Variants in PRTG observed in about 807,000 individuals in gnomAD.
PRTG encodes immunoglobulin superfamily, DCC subclass, member 5.
Under a neutral mutation model 122.5 loss-of-function variants are expected in PRTG, and 67 were observed. The observed-to-expected ratio is 0.55, with a 90% CI of 0.45 to 0.67. PRTG has a LOEUF of 0.67. PRTG is among the 30% of genes least tolerant of loss of function. The pLI is 0.00. For synonymous variants in PRTG, 554 were observed against 501.1 expected, an observed-to-expected ratio of 1.11 and a Z score of -1.41; for missense variants, 1,435 against 1,415.4, an observed-to-expected ratio of 1.01 and a Z score of -0.22.
intron 4 of PRTG, 69 bp downstream of exon 4, chr15:55,682,295 C>T (rs1035541332): frequency 9.5e-6 from 12 of 1,263,782 alleles, no homozygotes; most frequent in Non-Finnish European, 1.3e-5. Flanking sequence ...ATTATTACAG[C>T]AGAGGAGAAG....
intron 15 of PRTG, among the ~76,000 whole-genome samples, chr15:55,636,687 G>T (rs1234154134): frequency 6.6e-6 from 1 of 151,030 alleles, no homozygotes; most frequent in Non-Finnish European, 1.5e-5. Flanking sequence ...TGTTCTTGTT[G>T]CCCAGGCTGG....
At chr15:55,719,294 G>A (rs2030722337) in intron 2 of PRTG, among the ~76,000 whole-genome samples, 1 of 152,114 alleles carries the variant, frequency 6.6e-6, no homozygotes, top group Non-Finnish European at 1.5e-5. Flanking sequence ...TCAACATACT[G>A]GCAAAGTTGA....
intron 15 of PRTG, among the ~76,000 whole-genome samples, chr15:55,629,365 ATATATATATATGTGTGTGTGTGTG>A (rs2059212870): frequency 3.0e-5 from 1 of 32,852 alleles, no homozygotes; most frequent in African/African-American, 9.9e-5. Context: ...CTTTGTATAT[ATATATATATATGTGTGTGTGTGTG>A]TGTGTGTGTG....
intron 2 of PRTG, among the ~76,000 whole-genome samples, chr15:55,688,621 G>A (rs915534794): frequency 1.3e-5 from 2 of 152,164 alleles, no homozygotes; most frequent in African/African-American, 2.4e-5. Context: ...AGATCACAAA[G>A]TCAAGAGATC....
Position 55,639,824 on chromosome 15 carries a change from A to T in PRTG, c.2142T>A (p.Val714=). 1 of 1,613,876 alleles carries T rather than the reference A, an allele frequency of 6.2e-7. No individual in the cohort carries two copies. Among genetic ancestry groups the T allele is most frequent in the Non-Finnish European group, 8.5e-7 (1 of 1,179,884 alleles). ...QTVSTPGCVS[V]RDRMVPPPPP... ...GTGGAGGAGGGACCATGCGATCACG[A>T]ACAGCTATTGAGAAAAACAATGTTA... The change falls in exon 13 of 20, where the codon GTT becomes GTA. Residue 714 remains valine (V), a synonymous_variant. Transcript: ENST00000389286.
chr15:55,664,344 T>C (rs1206959646), intron 11 of PRTG, among the ~76,000 whole-genome samples: 1 of 151,614 alleles, frequency 6.6e-6, no homozygotes, highest in African/African-American at 2.4e-5. Context: ...GGTTTCACCA[T>C]GTTGGCCAAG....
At chr15:55,707,083 G>A (rs117186690) in intron 2 of PRTG, among the ~76,000 whole-genome samples, 1,604 of 152,296 alleles carry the variant, frequency 0.011, 20 homozygotes, top group East Asian at 0.012. Flanking sequence ...GCAGTGGGGA[G>A]CCATTGAAAT....
At chr15:55,739,013 T>A (rs2031527068) in intron 2 of PRTG, among the ~76,000 whole-genome samples, 1 of 152,108 alleles carries the variant, frequency 6.6e-6, no homozygotes, top group African/African-American at 2.4e-5. Context: ...TATGCTGGTC[T>A]TTGGCAGGGG....
In PRTG at chr15:55,614,504, A is replaced by G. The variant is rs570513279; in HGVS notation, c.*5508T>C. The G allele has an allele frequency of 3.3e-5, 5 of 152,236 alleles. No homozygotes were observed. In the East Asian group the frequency reaches 9.6e-4, roughly 29 times the overall value. The allele number at this position is 152,236 out of a possible 1,614,324, so 9.4% of individuals were successfully genotyped here. On this transcript the variant is annotated 3_prime_UTR_variant, in exon 20 of 20. Coordinates refer to ENST00000389286, the MANE Select transcript of PRTG (RefSeq NM_173814.6). ...CATCACTCTGAGTTCCTGTGTTTTG[A>G]GGTCTTCCCCCAACTCTTCCCCAGC... is the stretch of plus-strand genomic sequence containing the variant.
intron 14 of PRTG, 85 bp from the exon 15 acceptor site, chr15:55,637,425 A>T (rs2059264071): frequency 8.2e-7 from 1 of 1,218,922 alleles, no homozygotes; most frequent in Non-Finnish European, 1.1e-6. Flanking sequence ...CTTAGAAAAA[A>T]GTTCAAAAAA....
Position 55,733,698 on chromosome 15 carries a change from G to A in PRTG, c.397+6684C>T, listed in dbSNP as rs141513875. On this transcript the variant is annotated intron_variant, in intron 2 of 19. Transcript: ENST00000389286. ...AAAAATTAGCTGTGCATGGCGGCAC[G>A]TGCCTGTAGCTCCAGCTACTCGGTA... 7.4e-4 allele frequency among the ~76,000 whole-genome samples: 113 copies of A among 151,976 alleles called. 2 individuals are homozygous for A. The East Asian group carries it at 0.019, about 25-fold the overall frequency.
intron 11 of PRTG, among the ~76,000 whole-genome samples, chr15:55,654,609 G>C (rs921350053): frequency 2.6e-5 from 4 of 152,162 alleles, no homozygotes; most frequent in African/African-American, 9.7e-5. Context: ...TAGAACACTT[G>C]ACTCATGCTA....
intron 2 of PRTG, among the ~76,000 whole-genome samples, chr15:55,723,980 T>C (rs1414952435): frequency 6.6e-6 from 1 of 152,156 alleles, no homozygotes; most frequent in African/African-American, 2.4e-5. Flanking sequence ...CTCGAACTCC[T>C]GACCTCATGA....
intron 2 of PRTG, among the ~76,000 whole-genome samples, chr15:55,690,223 T>C (rs1256913319): frequency 4.6e-5 from 7 of 152,192 alleles, no homozygotes. Flanking sequence ...TTCTCCCCAA[T>C]TTTGAAAACA....
At chr15:55,705,818 C>A (rs542859642) in intron 2 of PRTG, among the ~76,000 whole-genome samples, 21 of 150,156 alleles carry the variant, frequency 1.4e-4, no homozygotes, top group African/African-American at 5.1e-4. Flanking sequence ...CCAATATGGA[C>A]TTCATTATTT....
intron 11 of PRTG, among the ~76,000 whole-genome samples, chr15:55,666,656 CT>C (rs1303504740): frequency 6.6e-6 from 1 of 152,158 alleles, no homozygotes; most frequent in Non-Finnish European, 1.5e-5. Flanking sequence ...TGGTAAATTA[CT>C]TGAAAAAATA....
intron 16 of PRTG, among the ~76,000 whole-genome samples, chr15:55,627,861 T>A (rs577936141): frequency 6.6e-6 from 1 of 152,208 alleles, no homozygotes; most frequent in African/African-American, 2.4e-5. Flanking sequence ...TGTGAGTCAC[T>A]AGGGATTATG....
intron 2 of PRTG, among the ~76,000 whole-genome samples, chr15:55,694,326 A>C (rs1188388231): frequency 5.3e-5 from 8 of 152,206 alleles, no homozygotes; most frequent in African/African-American, 1.7e-4. Flanking sequence ...GTATGAATGC[A>C]TGAATTTTCT....
intron 2 of PRTG, among the ~76,000 whole-genome samples, chr15:55,686,404 T>G (rs1403516032): frequency 4.6e-5 from 7 of 150,716 alleles, no homozygotes; most frequent in African/African-American, 1.5e-4. Context: ...CTTACTTAGT[T>G]TAAATTTTTT....
Sources: gnomAD v4.1 joint callset for allele counts (sites outside exome capture counted in the v4.1 genomes callset) on GRCh38, gnomAD v4.1.1 for gene constraint, MANE v1.5 for transcripts, NCBI Gene and HGNC (gene_info 2026-07-23, HGNC 2026-07-21) for gene names.